Variants in NRG2 observed in about 807,000 individuals in gnomAD.
The protein encoded by NRG2 is neuregulin 2, also known as pro-neuregulin-2, membrane-bound isoform.
Under a neutral mutation model 73.9 loss-of-function variants are expected in NRG2, and 27 were observed. That is an observed-to-expected ratio of 0.37 (90% CI 0.27 to 0.50). The LOEUF is 0.50. Ranked by LOEUF, NRG2 falls within the 20% of genes least tolerant of loss-of-function variation. The pLI is 0.96. For synonymous variants in NRG2, 532 were observed against 541.0 expected (o/e 0.98, Z 0.23); for missense variants, 1,126 against 1,210.1 (o/e 0.93, Z 1.03).
At chr5:139,960,351 C>T (rs1212623429) in intron 1 of NRG2, among the ~76,000 whole-genome samples, 1 of 152,106 alleles carries the variant, frequency 6.6e-6, no homozygotes, top group African/African-American at 2.4e-5. Flanking sequence ...CCAGTTTCTA[C>T]TAAAAATATA....
intron 1 of NRG2, among the ~76,000 whole-genome samples, chr5:139,924,412 T>G (rs1346314603): frequency 6.6e-6 from 1 of 152,238 alleles, no homozygotes; most frequent in Non-Finnish European, 1.5e-5. Flanking sequence ...AATTATGCCT[T>G]CCTTGTTGGG....
At chr5:139,990,073 C>T (rs1370111749) in intron 1 of NRG2, among the ~76,000 whole-genome samples, 1 of 151,870 alleles carries the variant, frequency 6.6e-6, no homozygotes, top group Non-Finnish European at 1.5e-5. Flanking sequence ...CAGGCGTGAG[C>T]CACTGTGCCT....
At chr5:139,900,770 T>G (rs1764833375) in intron 1 of NRG2, among the ~76,000 whole-genome samples, 1 of 152,194 alleles carries the variant, frequency 6.6e-6, no homozygotes, top group Non-Finnish European at 1.5e-5. Context: ...GGCCAGCACC[T>G]TTTCCTCCAT....
intron 9 of NRG2, among the ~76,000 whole-genome samples, chr5:139,849,141 C>T (rs1324802321): frequency 6.6e-6 from 1 of 152,106 alleles, no homozygotes; most frequent in East Asian, 1.9e-4. Context: ...GAAAGTAACA[C>T]TCAGAACGTT....
chr5:139,864,879 G>A (rs1762382604), intron 5 of NRG2: 1 of 593,292 alleles, frequency 1.7e-6, no homozygotes, highest in Non-Finnish European at 3.0e-6. Flanking sequence ...GACCCCAGAA[G>A]TTGGGAGGAG....
intron 5 of NRG2, chr5:139,860,037 T>C (rs1762053173): frequency 1.1e-6 from 1 of 943,730 alleles, no homozygotes; most frequent in Admixed American, 2.0e-5. Flanking sequence ...CGGGCAGCCA[T>C]CCTGCGAGGT....
At position 139,898,691 on chromosome 5, in the gene NRG2, A is replaced by G. The variant is rs528640410; in HGVS notation, c.701-11180T>C. 1.5e-4 allele frequency among the ~76,000 whole-genome samples: 23 copies of G among 152,230 alleles called. No homozygotes were observed. In the South Asian group the frequency reaches 4.8e-3, roughly 32 times the overall value. ...CCGTCCCTTTTCCCATCCTTTCACAAAGAGCTATGTGGCTATGATGCCTAA... is the reference window on the plus strand; with the variant it reads ...CCGTCCCTTTTCCCATCCTTTCACAGAGAGCTATGTGGCTATGATGCCTAA... On this transcript the variant is annotated intron_variant, in intron 1 of 9. Transcript: ENST00000361474.
At chr5:139,934,936 T>C (rs1484100665) in intron 1 of NRG2, among the ~76,000 whole-genome samples, 1 of 152,084 alleles carries the variant, frequency 6.6e-6, no homozygotes, top group Non-Finnish European at 1.5e-5. Context: ...AGGCTGAGCC[T>C]GGCAGATCAC....
At chr5:140,030,426 G>A (rs913718157) in intron 1 of NRG2, among the ~76,000 whole-genome samples, 1 of 152,170 alleles carries the variant, frequency 6.6e-6, no homozygotes, top group African/African-American at 2.4e-5. Context: ...CCATTCACCA[G>A]AGGCCCTGAG....
At position 140,038,303 on chromosome 5, in the gene NRG2, C is replaced by T. The variant is rs116632548; in HGVS notation, c.700+4067G>A. ...CAAACTGTTTGTTAATTCAAACCGA[C>T]GGTTGTTTTATTTTTGTTTAAATTT... is the stretch of plus-strand genomic sequence containing the variant. On this transcript the variant is annotated intron_variant, in intron 1 of 9. Transcript: ENST00000361474. 8.2e-3 allele frequency among the ~76,000 whole-genome samples: 1,253 copies of T among 151,980 alleles called. 8 individuals carry two copies. The highest frequency in any genetic ancestry group is 9.5e-3 in the Non-Finnish European group (646 of 67,966).
At chr5:140,033,978 A>G (rs1383120695) in intron 1 of NRG2, among the ~76,000 whole-genome samples, 1 of 147,582 alleles carries the variant, frequency 6.8e-6, no homozygotes, top group South Asian at 2.1e-4. Flanking sequence ...TTTTTTTTTG[A>G]CATGGAGTCT....
chr5:139,965,724 AC>A (rs888581303), intron 1 of NRG2, among the ~76,000 whole-genome samples: 4 of 152,316 alleles, frequency 2.6e-5, no homozygotes, highest in African/African-American at 9.6e-5. Flanking sequence ...AGAGACCGTC[AC>A]CCCAATTGCA....
intron 1 of NRG2, among the ~76,000 whole-genome samples, chr5:139,991,111 T>C (rs939442325): frequency 3.3e-5 from 5 of 151,988 alleles, no homozygotes; most frequent in African/African-American, 1.2e-4. Context: ...CCATCTCTAC[T>C]AGAAATACAA....
intron 1 of NRG2, among the ~76,000 whole-genome samples, chr5:140,037,907 CAA>C (rs748112690): frequency 1.0e-4 from 6 of 59,006 alleles, no homozygotes; most frequent in Admixed American, 4.1e-4. Context: ...GACTCCATCT[CAA>C]AAAAAAAAAA....
Position 139,865,657 on chromosome 5 carries a change from C to G in NRG2, c.1113-32G>C. On this transcript the variant is annotated intron_variant, in intron 4 of 9. Coordinates refer to ENST00000361474, the MANE Select transcript of NRG2 (RefSeq NM_004883.3). This position sits in a 1 kb window ranked among gnomAD's most constrained non-coding sequence, Gnocchi z 5.2. ...AAGGAAAAGGGGAAAAATCACAGAACAAACTGGCATCATCCGCGAGGCTAA... is the reference window on the plus strand; with the variant it reads ...AAGGAAAAGGGGAAAAATCACAGAAGAAACTGGCATCATCCGCGAGGCTAA... 1 of 1,567,160 alleles carries G rather than the reference C, an allele frequency of 6.4e-7. No individual in the cohort carries two copies. The highest frequency in any genetic ancestry group is 8.7e-7 in the Non-Finnish European group (1 of 1,147,630).
intron 5 of NRG2, among the ~76,000 whole-genome samples, chr5:139,864,253 T>A (rs1762331520): frequency 6.6e-6 from 1 of 152,158 alleles, no homozygotes; most frequent in Admixed American, 6.5e-5. Context: ...AGGCTTTTTG[T>A]TCTGCTCCAC....
At chr5:140,042,318 C>A in intron 1 of NRG2, 52 bp downstream of exon 1, 1 of 1,156,692 alleles carries the variant, frequency 8.6e-7, no homozygotes, top group Non-Finnish European at 1.1e-6. Flanking sequence ...CCCCCATTCT[C>A]CACCACCTCG....
rs1761505195 is a variant in NRG2, at chr5:139,852,427, C to G, written c.1544+5G>C. The G allele has an allele frequency of 1.2e-6, 2 of 1,611,918 alleles. No individual in the cohort carries two copies. The highest frequency in any genetic ancestry group is 1.7e-6 in the Non-Finnish European group (2 of 1,179,256). On this transcript the variant is annotated splice_donor_5th_base_variant and intron_variant, in intron 8 of 9. Coordinates refer to ENST00000361474, the MANE Select transcript of NRG2 (RefSeq NM_004883.3). This position sits in a 1 kb window ranked among gnomAD's most constrained non-coding sequence, Gnocchi z 4.4. Reference sequence around the variant, plus strand: ...CAAGTTTCCATGGGCCTTGGTGGTGCCTACCTGTGGCTGGAGGTGGGTGTG... The same window carrying G: ...CAAGTTTCCATGGGCCTTGGTGGTGGCTACCTGTGGCTGGAGGTGGGTGTG...
intron 1 of NRG2, among the ~76,000 whole-genome samples, chr5:140,023,730 C>T (rs1346775110): frequency 2.6e-5 from 4 of 152,166 alleles, no homozygotes; most frequent in Non-Finnish European, 5.9e-5. Context: ...GGACTGCACA[C>T]CCATCTAGCT....
Sources: gnomAD v4.1 joint callset for allele counts (sites outside exome capture counted in the v4.1 genomes callset) on GRCh38, gnomAD v4.1.1 for gene constraint, Gnocchi (gnomAD v3.1) non-coding constraint, MANE v1.5 for transcripts, NCBI Gene and HGNC (gene_info 2026-07-23, HGNC 2026-07-21) for gene names.